Variants in NEK7 observed in about 807,000 individuals in gnomAD.
NEK7 encodes the protein NIMA related kinase 7.
In NEK7, 18 loss-of-function variants were observed where a neutral mutation model predicts 44.6. That is an observed-to-expected ratio of 0.40 (90% CI 0.28 to 0.60). The LOEUF (loss-of-function observed/expected upper bound fraction) is 0.60. Ranked by LOEUF, NEK7 falls within the 20% of genes least tolerant of loss-of-function variation. NEK7 has a pLI of 0.38. For missense variants in NEK7, 256 were observed against 366.5 expected, an observed-to-expected ratio of 0.70 and a Z score of 2.46; for synonymous variants, 130 against 121.1, an observed-to-expected ratio of 1.07 and a Z score of -0.48.
intron 2 of NEK7, among the ~76,000 whole-genome samples, chr1:198,233,956 C>T (rs1251234396): frequency 6.6e-6 from 1 of 152,016 alleles, no homozygotes; most frequent in Non-Finnish European, 1.5e-5. Context: ...TTTGTCTGAT[C>T]CTCTGAAAGC....
chr1:198,308,133 A>G (rs1655069283), intron 9 of NEK7, among the ~76,000 whole-genome samples: 1 of 152,200 alleles, frequency 6.6e-6, no homozygotes, highest in African/African-American at 2.4e-5. Context: ...TTCTATATAA[A>G]TATGAAATAT....
rs1407119773 is a variant in NEK7, at chr1:198,306,034, A to G, written c.798+8794A>G. On this transcript the variant is annotated intron_variant, in intron 9 of 9. Transcript: ENST00000367385. ...CTGGAGCTAGACTGCTTCGGTTCAA[A>G]TCCAGGCTTTGCCCCTTATGCCTTT... is the stretch of plus-strand genomic sequence containing the variant. Among the ~76,000 whole-genome samples, 8 of 152,246 alleles carry G rather than the reference A, an allele frequency of 5.3e-5. No homozygotes were observed. The South Asian group carries it at 1.7e-3, about 32-fold the overall frequency.
At chr1:198,228,535 T>C (rs1666294404) in intron 1 of NEK7, among the ~76,000 whole-genome samples, 1 of 98,964 alleles carries the variant, frequency 1.0e-5, no homozygotes, top group Non-Finnish European at 2.0e-5. Context: ...GTATCCTCTT[T>C]TATTTCATTG....
At chr1:198,268,289 T>A (rs1400431601) in intron 5 of NEK7, among the ~76,000 whole-genome samples, 6 of 152,014 alleles carry the variant, frequency 3.9e-5, no homozygotes, top group Non-Finnish European at 8.8e-5. Flanking sequence ...GCTCAATATG[T>A]CTGTAAACAA....
intron 9 of NEK7, among the ~76,000 whole-genome samples, chr1:198,312,106 C>T: frequency 6.6e-6 from 1 of 152,180 alleles, no homozygotes; most frequent in Non-Finnish European, 1.5e-5. Flanking sequence ...ATTATTGCCA[C>T]AATTTCAGCT....
intron 1 of NEK7, among the ~76,000 whole-genome samples, chr1:198,230,811 C>G (rs1666366077): frequency 6.6e-6 from 1 of 151,872 alleles, no homozygotes; most frequent in Non-Finnish European, 1.5e-5. Flanking sequence ...AAAAACCCCA[C>G]CATTTACAGT....
chr1:198,168,538 T>C (rs985782658), intron 1 of NEK7, among the ~76,000 whole-genome samples: 4 of 152,188 alleles, frequency 2.6e-5, no homozygotes, highest in Non-Finnish European at 4.4e-5. Flanking sequence ...ACAGACTTGG[T>C]GTAAAGTCAG....
At chr1:198,261,006 A>G (rs1358242733) in intron 3 of NEK7, among the ~76,000 whole-genome samples, 1 of 152,056 alleles carries the variant, frequency 6.6e-6, no homozygotes, top group Non-Finnish European at 1.5e-5. Flanking sequence ...TTGGATATTA[A>G]GAATGATATC....
chr1:198,176,604 AT>A (rs1664610431), intron 1 of NEK7, among the ~76,000 whole-genome samples: 1 of 152,056 alleles, frequency 6.6e-6, no homozygotes, highest in East Asian at 1.9e-4. Context: ...ATATATATAT[AT>A]AATGGGTATG....
rs1222663241 is a variant in NEK7, at chr1:198,228,628, C to T, written c.-28-3925C>T. On this transcript the variant is annotated intron_variant, in intron 1 of 9. Coordinates refer to ENST00000367385, the MANE Select transcript of NEK7 (RefSeq NM_133494.3). ...CCTAGGTATTTTATTCTCTTTGAAGCAATTGTGAATGGGAGTTCACTCATG... is the reference window on the plus strand; with the variant it reads ...CCTAGGTATTTTATTCTCTTTGAAGTAATTGTGAATGGGAGTTCACTCATG... 4.6e-5 allele frequency among the ~76,000 whole-genome samples: 7 copies of T among 152,220 alleles called. No homozygotes were observed. In the South Asian group the frequency reaches 1.5e-3, roughly 32 times the overall value.
intron 1 of NEK7, among the ~76,000 whole-genome samples, chr1:198,173,050 T>C (rs1262868084): frequency 6.6e-6 from 1 of 152,170 alleles, no homozygotes; most frequent in Admixed American, 6.5e-5. Flanking sequence ...AGCTCTGGTG[T>C]CATCAGTAGA....
chr1:198,192,123 T>C (rs866897777), intron 1 of NEK7, among the ~76,000 whole-genome samples: 2 of 152,032 alleles, frequency 1.3e-5, no homozygotes, highest in Non-Finnish European at 2.9e-5. Flanking sequence ...TACACATACA[T>C]ACTTTTTTCA....
chr1:198,312,062 T>G (rs990883249), intron 9 of NEK7, among the ~76,000 whole-genome samples: 6 of 152,238 alleles, frequency 3.9e-5, no homozygotes, highest in African/African-American at 1.2e-4. Context: ...TAAATCCATC[T>G]GGTCCTGGAC....
At chr1:198,184,034 T>G (rs1369613747) in intron 1 of NEK7, among the ~76,000 whole-genome samples, 1 of 152,232 alleles carries the variant, frequency 6.6e-6, no homozygotes, top group Non-Finnish European at 1.5e-5. Context: ...CATTTAATAG[T>G]TGGATGTTTA....
intron 9 of NEK7, 28 bp from the exon 10 acceptor site, chr1:198,319,384 A>G (rs1400090454): frequency 2.6e-6 from 4 of 1,516,000 alleles, no homozygotes; most frequent in Non-Finnish European, 3.6e-6. Flanking sequence ...TGTCTTAATC[A>G]GGTTTTATTG....
intron 1 of NEK7, chr1:198,206,849 A>C (rs191503109): frequency 1.3e-5 from 2 of 152,274 alleles, no homozygotes; most frequent in African/African-American, 4.8e-5. Context: ...TAATAACCAT[A>C]GGCATTTTAT....
chr1:198,255,016 C>A (rs1199145251), intron 3 of NEK7, among the ~76,000 whole-genome samples: 1 of 152,098 alleles, frequency 6.6e-6, no homozygotes, highest in African/African-American at 2.4e-5. Flanking sequence ...TCCAGGGGAA[C>A]AAGAGTCTAT....
chr1:198,205,027 G>T (rs2102802079), intron 1 of NEK7, among the ~76,000 whole-genome samples: 1 of 152,188 alleles, frequency 6.6e-6, no homozygotes, highest in Middle Eastern at 3.4e-3. Flanking sequence ...TGCTACTGTT[G>T]CTGCTCCCCG....
At chr1:198,317,320 C>A (rs1030779905) in intron 9 of NEK7, among the ~76,000 whole-genome samples, 1 of 152,182 alleles carries the variant, frequency 6.6e-6, no homozygotes, top group Non-Finnish European at 1.5e-5. Context: ...ACCTGTCATC[C>A]CTTTGAAAGG....
Sources: gnomAD v4.1 joint callset for allele counts (sites outside exome capture counted in the v4.1 genomes callset) on GRCh38, gnomAD v4.1.1 for gene constraint, MANE v1.5 for transcripts, NCBI Gene and HGNC (gene_info 2026-07-23, HGNC 2026-07-21) for gene names.